Variants in MTOR observed in about 807,000 individuals in gnomAD.
MTOR encodes serine/threonine-protein kinase mTOR.
MTOR carries 70 observed loss-of-function variants against 319.8 expected under a neutral mutation model. That is an observed-to-expected ratio of 0.22 (90% CI 0.18 to 0.27). The LOEUF (loss-of-function observed/expected upper bound fraction) is 0.27, where lower values mean the gene tolerates loss of function less well. MTOR is among the 10% of genes least tolerant of loss of function. MTOR has a pLI of 1.00. For missense variants in MTOR, 1,890 were observed against 3,274.4 expected (o/e 0.58, Z 10.32); for synonymous variants, 1,183 against 1,211.4 (o/e 0.98, Z 0.49).
intron 29 of MTOR, among the ~76,000 whole-genome samples, chr1:11,166,426 A>C (rs1437082104): frequency 6.6e-6 from 1 of 152,250 alleles, no homozygotes; most frequent in African/African-American, 2.4e-5. Flanking sequence ...CCCATCAAAA[A>C]GTGGGCAAAG....
intron 19 of MTOR, among the ~76,000 whole-genome samples, chr1:11,220,103 A>T (rs533087710): frequency 1.6e-4 from 24 of 151,946 alleles, no homozygotes; most frequent in African/African-American, 5.5e-4. Flanking sequence ...AAAATTCCAA[A>T]AAAGATAATA....
At chr1:11,217,636 C>G (rs1646515700) in intron 19 of MTOR, among the ~76,000 whole-genome samples, 1 of 150,262 alleles carries the variant, frequency 6.7e-6, no homozygotes, top group Non-Finnish European at 1.5e-5. Flanking sequence ...TGGTCTCGCT[C>G]TCTTGACTTC....
rs1349179385 is a variant in MTOR, at chr1:11,199,847, T to C, written c.3945-144A>G. On this transcript the variant is annotated intron_variant, in intron 26 of 57. Coordinates refer to ENST00000361445, the MANE Select transcript of MTOR (RefSeq NM_004958.4). This position sits in a 1 kb window ranked among gnomAD's most constrained non-coding sequence, Gnocchi z 4.5. ...TACAGACCAGTGCTGTCCAAGAGAA[T>C]TTTCCTGTCCAATATGGTAGCCAGT... 1.3e-6 allele frequency: 1 copy of C among 775,426 alleles called. No individual in the cohort carries two copies. The highest frequency in any genetic ancestry group is 2.7e-5 in the East Asian group (1 of 37,016). The allele number at this position is 775,426 out of a possible 1,614,324, so 48.0% of individuals were successfully genotyped here.
intron 29 of MTOR, among the ~76,000 whole-genome samples, chr1:11,157,981 C>T (rs1644367249): frequency 6.6e-6 from 1 of 152,088 alleles, no homozygotes; most frequent in Non-Finnish European, 1.5e-5. Flanking sequence ...GTGTCAGGGG[C>T]CAAAGGAGGG....
intron 14 of MTOR, 139 bp downstream of exon 14, chr1:11,234,004 G>T: frequency 8.3e-7 from 1 of 1,198,184 alleles, no homozygotes; most frequent in Non-Finnish European, 1.2e-6. Flanking sequence ...GCTTGATATG[G>T]CCCTTTGGTC....
At chr1:11,160,160 G>A (rs1322466389) in intron 29 of MTOR, among the ~76,000 whole-genome samples, 3 of 151,666 alleles carry the variant, frequency 2.0e-5, no homozygotes, top group African/African-American at 7.3e-5. Flanking sequence ...GAGTGCAATG[G>A]AACAATCTCA....
rs1557467152 is a variant in MTOR, at chr1:11,238,522, G to GGGA, written c.1879_1881dup (p.Ser627dup). 2 of 1,614,222 alleles carry GGGA rather than the reference G, an allele frequency of 1.2e-6. No individual in the cohort carries two copies. The highest frequency in any genetic ancestry group is 2.2e-5 in the South Asian group (2 of 91,088). On this transcript the variant is annotated inframe_insertion, in exon 12 of 58. Transcript: ENST00000361445. ...AGGTGGATGGAGGGTGTGAGCAGGC[G>GGGA]GGAGCAGGTGCGGGCAGCCTCCATG...
chr1:11,122,765 C>T (rs553065590), intron 47 of MTOR, among the ~76,000 whole-genome samples: 34 of 152,214 alleles, frequency 2.2e-4, no homozygotes, highest in African/African-American at 8.2e-4. Context: ...CCTTGGCCTC[C>T]CAAAGTGCTG....
At chr1:11,248,915 T>C (rs765808398) in intron 6 of MTOR, among the ~76,000 whole-genome samples, 31 of 152,068 alleles carry the variant, frequency 2.0e-4, no homozygotes, top group Non-Finnish European at 3.8e-4. Flanking sequence ...CTATTACCTT[T>C]ACAATGGGCT....
At chr1:11,192,196 C>A in intron 28 of MTOR, 1 of 1,100,328 alleles carries the variant, frequency 9.1e-7, no homozygotes, top group Non-Finnish European at 1.4e-6. Context: ...GAAATAAAGG[C>A]TCAGTCTCTA....
At chr1:11,131,992 T>C (rs1192637814) in intron 38 of MTOR, 1 of 152,206 alleles carries the variant, frequency 6.6e-6, no homozygotes, top group African/African-American at 2.4e-5. Context: ...ATCTCTTGTG[T>C]ATCTGCTATG....
chr1:11,257,310 C>T (rs1457733544), intron 3 of MTOR, 145 bp from the exon 4 acceptor site: 12 of 585,058 alleles, frequency 2.1e-5, no homozygotes, highest in Middle Eastern at 5.0e-4. Context: ...CTGAGGCGGG[C>T]GGATTGCCTG....
In MTOR at chr1:11,240,494, T is replaced by C. The variant is rs1647862478; in HGVS notation, c.1595A>G (p.Lys532Arg). Residue 532 changes from lysine to arginine, a missense_variant, in exon 11 of 58, where the codon AAG (lysine) becomes AGG (arginine). By Grantham distance (26) the Lys-to-Arg change is conservative. Transcript: ENST00000361445. ...YDLSRQIPQL[K>R]KDIQDGLLKM... is the part of the protein sequence containing the mutation. Reference sequence around the variant, plus strand: ...CAGTAGCCCATCTTGAATGTCCTTCTTTAGCTGTGGAATCTGACGGCTCAG... The same window carrying C: ...CAGTAGCCCATCTTGAATGTCCTTCCTTAGCTGTGGAATCTGACGGCTCAG... 6.2e-7 allele frequency: 1 copy of C among 1,614,070 alleles called. No individual in the cohort carries two copies. Among genetic ancestry groups the C allele is most frequent in the Non-Finnish European group, 8.5e-7 (1 of 1,180,042 alleles).
At chr1:11,262,221 C>CCG (rs1460431727) in intron 1 of MTOR, among the ~76,000 whole-genome samples, 1 of 152,220 alleles carries the variant, frequency 6.6e-6, no homozygotes, top group East Asian at 1.9e-4. Flanking sequence ...GGCGGACGTA[C>CCG]CGCGGGCCGA....
At chr1:11,144,518 C>T (rs1390493390) in intron 34 of MTOR, 130 bp downstream of exon 34, 1 of 680,364 alleles carries the variant, frequency 1.5e-6, no homozygotes, top group Admixed American at 2.7e-5. Flanking sequence ...TGTATGCAAG[C>T]CAAGCAATAC....
intron 6 of MTOR, among the ~76,000 whole-genome samples, chr1:11,252,635 C>T (rs917353909): frequency 6.6e-6 from 1 of 152,176 alleles, no homozygotes; most frequent in Admixed American, 6.5e-5. Flanking sequence ...AGCCAGACTC[C>T]TCCTGCTTCT....
At chr1:11,233,676 T>C (rs1460404365) in intron 14 of MTOR, among the ~76,000 whole-genome samples, 189 bp from the exon 15 acceptor site, 2 of 152,216 alleles carry the variant, frequency 1.3e-5, no homozygotes, top group East Asian at 1.9e-4. Context: ...AAGTCTGACA[T>C]GTGAGAGAGC....
At chr1:11,174,126 G>T (rs1483643795) in intron 28 of MTOR, among the ~76,000 whole-genome samples, 1 of 152,162 alleles carries the variant, frequency 6.6e-6, no homozygotes, top group African/African-American at 2.4e-5. Flanking sequence ...CCACGGAAAA[G>T]TATCTTTAGT....
rs2100287463 is a variant in MTOR, at chr1:11,109,365, C to T, written c.7453G>A (p.Asp2485Asn). 6.2e-7 allele frequency: 1 copy of T among 1,614,104 alleles called. No homozygotes were observed. Among genetic ancestry groups the T allele is most frequent in the South Asian group, 1.1e-5 (1 of 91,072 alleles). Residue 2485 changes from aspartate (D) to asparagine (N), a missense_variant, in exon 56 of 58, where the codon GAC becomes AAC. This residue lies in a region of MTOR where 31 missense variants were observed against 82.1 expected (regional missense o/e 0.38). Transcript: ENST00000361445. This position sits in a 1 kb window ranked among gnomAD's most constrained non-coding sequence, Gnocchi z 4.0. Reference protein sequence around the residue: ...VPESIHSFIGDGLVKPEALNK... With the variant: ...VPESIHSFIGNGLVKPEALNK... Reference sequence around the variant, plus strand: ...AGGGCCTCTGGTTTCACCAAACCGTCTCCAACTGGAATACACAAAAGTAGA... The same window carrying T: ...AGGGCCTCTGGTTTCACCAAACCGTTTCCAACTGGAATACACAAAAGTAGA...
Sources: gnomAD v4.1 joint callset for allele counts (sites outside exome capture counted in the v4.1 genomes callset) on GRCh38, gnomAD v4.1.1 for gene constraint, gnomAD v4.1.1 regional missense constraint, Gnocchi (gnomAD v3.1) non-coding constraint, MANE v1.5 for transcripts, NCBI Gene and HGNC (gene_info 2026-07-23, HGNC 2026-07-21) for gene names.